The following PTK2 variants were observed in gnomAD, a reference collection of about 807,000 sequenced individuals.
PTK2 encodes the protein protein tyrosine kinase 2, also known as focal adhesion kinase 1.
In PTK2, 45 loss-of-function variants were observed where a neutral mutation model predicts 150.1. The ratio of observed to expected loss-of-function variants is 0.30; its 90% CI spans 0.24 to 0.38. The LOEUF (loss-of-function observed/expected upper bound fraction) is 0.38. PTK2 is among the 10% of genes least tolerant of loss of function. The pLI is 1.00. For missense variants in PTK2, 919 were observed against 1,307.3 expected (o/e 0.70, Z 4.58); for synonymous variants, 432 against 449.2 (o/e 0.96, Z 0.48).
In PTK2 at chr8:140,935,702, C is replaced by CTTTTTTTTTTTTTTTTTT. The variant is rs34554819; in HGVS notation, c.-121-9954_-121-9953insAAAAAAAAAAAAAAAAAA. 3.2e-5 allele frequency among the ~76,000 whole-genome samples: 4 copies of CTTTTTTTTTTTTTTTTTT among 123,858 alleles called. 1 individual carries two copies. The highest frequency in any genetic ancestry group is 9.1e-5 in the African/African-American group (3 of 32,930). 81.3% of individuals were successfully genotyped at this position (123,858 alleles called of 152,430 possible). A position where few individuals can be genotyped will look rare whatever the true frequency, so the allele number is the denominator to read the frequency against. ...ATCTCAATGCTCAGTATGTCCTCAT[C>CTTTTTTTTTTTTTTTTTT]TTTTTTTTTTTTTTTGAGACAGAGT... On this transcript the variant is annotated intron_variant, in intron 1 of 31. Transcript: ENST00000522684.
chr8:140,873,726 A>G (rs1400307941), intron 4 of PTK2, among the ~76,000 whole-genome samples: 7 of 152,200 alleles, frequency 4.6e-5, no homozygotes, highest in Non-Finnish European at 1.0e-4. Flanking sequence ...TTGGCCTCCA[A>G]AAGTGCTGGG....
intron 1 of PTK2, among the ~76,000 whole-genome samples, chr8:140,999,492 T>G (rs368609602): frequency 6.6e-6 from 1 of 152,188 alleles, no homozygotes; most frequent in African/African-American, 2.4e-5. Context: ...CACAAAGATA[T>G]TGGGACACAA....
chr8:140,798,749 A>G (rs2100093180), intron 12 of PTK2, among the ~76,000 whole-genome samples: 1 of 152,214 alleles, frequency 6.6e-6, no homozygotes. Flanking sequence ...TACATTTAAC[A>G]TTTTTCCTAA....
chr8:140,914,002 T>C (rs897908588), intron 2 of PTK2, among the ~76,000 whole-genome samples: 1 of 152,150 alleles, frequency 6.6e-6, no homozygotes, highest in Non-Finnish European at 1.5e-5. Context: ...AGAAAAAATT[T>C]ACTAATCATT....
chr8:140,875,372 A>T (rs551533715), intron 4 of PTK2, among the ~76,000 whole-genome samples: 17 of 152,234 alleles, frequency 1.1e-4, no homozygotes, highest in Non-Finnish European at 2.4e-4. Flanking sequence ...AAACCATCAC[A>T]TCAGATCCCA....
intron 4 of PTK2, among the ~76,000 whole-genome samples, chr8:140,875,343 A>G (rs1323930551): frequency 2.6e-5 from 4 of 152,238 alleles, no homozygotes; most frequent in Non-Finnish European, 1.5e-5. Flanking sequence ...AACAATTAAA[A>G]AGTCTGGCAA....
chr8:140,706,938 AGGG>A, intron 23 of PTK2, among the ~76,000 whole-genome samples: 1 of 152,326 alleles, frequency 6.6e-6, no homozygotes, highest in African/African-American at 2.4e-5. Flanking sequence ...ATAGATAAAA[AGGG>A]GGAACAGTCC....
intron 25 of PTK2, among the ~76,000 whole-genome samples, chr8:140,702,156 C>A (rs1174041961): frequency 7.7e-6 from 1 of 129,544 alleles, no homozygotes; most frequent in Non-Finnish European, 1.6e-5. Flanking sequence ...AAAAAAAAGT[C>A]ATTAAAATCA....
intron 26 of PTK2, among the ~76,000 whole-genome samples, chr8:140,696,532 A>G (rs1483072983): frequency 1.3e-5 from 2 of 152,192 alleles, no homozygotes; most frequent in Non-Finnish European, 2.9e-5. Context: ...CTCCTACAAC[A>G]AAGAATTACC....
At chr8:140,889,101 A>G (rs986163503) in intron 3 of PTK2, among the ~76,000 whole-genome samples, 2 of 151,964 alleles carry the variant, frequency 1.3e-5, no homozygotes, top group African/African-American at 4.9e-5. Context: ...CTTCATAAAG[A>G]GTTTGTAAAA....
At position 140,989,544 on chromosome 8, in the gene PTK2, G is replaced by A. The variant is rs113950855; in HGVS notation, c.-122+11581C>T. On this transcript the variant is annotated intron_variant, in intron 1 of 31. Transcript: ENST00000522684. ...ATTAATGAATTTAAAAAAAAAAAAA[G>A]AAGACCTAATAGAAAAATACAGGCA... Among the ~76,000 whole-genome samples the A allele has an allele frequency of 1.3e-5, 2 of 148,888 alleles. 1 individual carries two copies. The highest frequency in any genetic ancestry group is 3.0e-5 in the Non-Finnish European group (2 of 67,570).
chr8:140,678,033 C>T (rs73714721), intron 27 of PTK2, among the ~76,000 whole-genome samples: 5,247 of 152,132 alleles, frequency 0.034, 284 homozygotes, highest in African/African-American at 0.12. Flanking sequence ...AGGAACTACA[C>T]GTTTTTTGGT....
intron 2 of PTK2, among the ~76,000 whole-genome samples, chr8:140,903,467 G>C (rs1423652362): frequency 1.3e-5 from 2 of 152,124 alleles, no homozygotes; most frequent in Non-Finnish European, 2.9e-5. Flanking sequence ...TTTTGCTTAG[G>C]ATTGAGTTGG....
At chr8:140,826,667 G>C (rs984003843) in intron 8 of PTK2, among the ~76,000 whole-genome samples, 1 of 152,148 alleles carries the variant, frequency 6.6e-6, no homozygotes, top group African/African-American at 2.4e-5. Flanking sequence ...CGTAATCCCA[G>C]CACTTTGGGA....
chr8:140,853,935 AAT>A (rs1275537215), intron 5 of PTK2, among the ~76,000 whole-genome samples: 1 of 152,336 alleles, frequency 6.6e-6, no homozygotes, highest in Admixed American at 6.5e-5. Context: ...AGGCCAAGAA[AAT>A]ATAGAGAAGG....
intron 23 of PTK2, among the ~76,000 whole-genome samples, chr8:140,709,045 T>C (rs1327762256): frequency 6.6e-6 from 1 of 152,108 alleles, no homozygotes; most frequent in African/African-American, 2.4e-5. Flanking sequence ...AATTTGATAA[T>C]TTTGATCACC....
chr8:140,758,509 T>C (rs986433375), intron 16 of PTK2, among the ~76,000 whole-genome samples: 2 of 152,204 alleles, frequency 1.3e-5, no homozygotes, highest in African/African-American at 2.4e-5. Flanking sequence ...GACATCTCCA[T>C]GCACATTACT....
chr8:140,717,615 C>T, exon 23 of PTK2: 1 of 1,613,822 alleles, frequency 6.2e-7, no homozygotes, highest in Non-Finnish European at 8.5e-7. Flanking sequence ...GGTGCTTCAT[C>T]AGACCCTCCG....
At chr8:140,961,154 T>C (rs1380378549) in intron 1 of PTK2, among the ~76,000 whole-genome samples, 1 of 152,234 alleles carries the variant, frequency 6.6e-6, no homozygotes, top group Admixed American at 6.5e-5. Flanking sequence ...AAGTTATACA[T>C]GCCTTTTACA....
Sources: gnomAD v4.1 joint callset for allele counts (sites outside exome capture counted in the v4.1 genomes callset) on GRCh38, gnomAD v4.1.1 for gene constraint, MANE v1.5 for transcripts, NCBI Gene and HGNC (gene_info 2026-07-23, HGNC 2026-07-21) for gene names.